The following LOC128462377 variants were observed in gnomAD, a reference collection of about 807,000 sequenced individuals.
At chr16:89,359,111 T>A in the LOC128462377 span, among the ~76,000 whole-genome samples, 1 of 152,166 alleles carries the variant, frequency 6.6e-6, no homozygotes, top group South Asian at 2.1e-4. Flanking sequence ...CCAAAATATA[T>A]AAAACATCAT....
At chr16:89,354,084 ATGCCTGGCACTCCC>A in the LOC128462377 span, among the ~76,000 whole-genome samples, 2 of 152,168 alleles carry the variant, frequency 1.3e-5, no homozygotes, top group African/African-American at 4.8e-5. Flanking sequence ...CAACAGTCCC[ATGCCTGGCACTCCC>A]TCAGGTGCCG....
At chr16:89,383,758 G>T in the LOC128462377 span, among the ~76,000 whole-genome samples, 1 of 152,164 alleles carries the variant, frequency 6.6e-6, no homozygotes, top group Admixed American at 6.5e-5. Flanking sequence ...CAAAGCAGCA[G>T]ACGGAAAGCC....
chr16:89,363,337 G>T, the LOC128462377 span, among the ~76,000 whole-genome samples: 3,152 of 152,244 alleles, frequency 0.021, 124 homozygotes, highest in African/African-American at 0.073. Flanking sequence ...CAGCCAAGGA[G>T]TAAGATTCAG....
At chr16:89,397,577 G>C in the LOC128462377 span, among the ~76,000 whole-genome samples, 1 of 152,228 alleles carries the variant, frequency 6.6e-6, no homozygotes, top group Non-Finnish European at 1.5e-5. Context: ...CTGGCTGCAG[G>C]ACAAAGGTGT....
the LOC128462377 span, among the ~76,000 whole-genome samples, chr16:89,399,400 C>A: frequency 1.3e-5 from 2 of 152,130 alleles, no homozygotes; most frequent in Non-Finnish European, 2.9e-5. Flanking sequence ...GTGAAAGCAG[C>A]CCGTCTCCAA....
chr16:89,413,716 G>A, the LOC128462377 span, among the ~76,000 whole-genome samples: 1 of 152,188 alleles, frequency 6.6e-6, no homozygotes, highest in African/African-American at 2.4e-5. Flanking sequence ...GCTGTCAGCA[G>A]CCGCCAGGAA....
the LOC128462377 span, among the ~76,000 whole-genome samples, chr16:89,362,103 A>G: frequency 1.3e-5 from 2 of 152,258 alleles, no homozygotes; most frequent in African/African-American, 4.8e-5. Flanking sequence ...AAGTTTCAAC[A>G]TGAGATACAA....
chr16:89,365,351 C>T, the LOC128462377 span, among the ~76,000 whole-genome samples: 2 of 152,186 alleles, frequency 1.3e-5, no homozygotes, highest in Admixed American at 6.5e-5. Context: ...CCTTAAAGAG[C>T]ATGAGGCCAA....
the LOC128462377 span, chr16:89,323,364 C>T: frequency 2.3e-6 from 3 of 1,286,742 alleles, no homozygotes; most frequent in Non-Finnish European, 3.0e-6. Context: ...TGGCCTCTCA[C>T]CTCTCACCAT....
the LOC128462377 span, among the ~76,000 whole-genome samples, chr16:89,394,334 A>G: frequency 3.3e-5 from 5 of 152,188 alleles, no homozygotes; most frequent in East Asian, 7.7e-4. Flanking sequence ...TCTCATCAGA[A>G]AAACAGCTCG....
the LOC128462377 span, among the ~76,000 whole-genome samples, chr16:89,340,302 G>A: frequency 1.3e-5 from 2 of 152,234 alleles, no homozygotes; most frequent in African/African-American, 4.8e-5. Context: ...TTTTGAGACG[G>A]AGTCTCGCTC....
the LOC128462377 span, among the ~76,000 whole-genome samples, chr16:89,415,829 C>CAAAAAAAAA: frequency 7.4e-3 from 293 of 39,674 alleles, 17 homozygotes; most frequent in Middle Eastern, 0.023. Flanking sequence ...GACTCTGTCT[C>CAAAAAAAAA]AAAAAAAAAA....
At chr16:89,379,226 A>G in the LOC128462377 span, among the ~76,000 whole-genome samples, 1 of 152,232 alleles carries the variant, frequency 6.6e-6, no homozygotes, top group Admixed American at 6.5e-5. Flanking sequence ...CACCGTCTGT[A>G]TGTGCGTCAC....
the LOC128462377 span, among the ~76,000 whole-genome samples, chr16:89,342,222 G>A: frequency 1.6e-4 from 25 of 152,382 alleles, no homozygotes; most frequent in East Asian, 4.4e-3. Flanking sequence ...GAGAGAAAAA[G>A]ATGAGGTCAA....
At chr16:89,364,067 AACAC>A in the LOC128462377 span, among the ~76,000 whole-genome samples, 3 of 150,536 alleles carry the variant, frequency 2.0e-5, no homozygotes, top group Admixed American at 1.3e-4. Flanking sequence ...GCTGATTTAA[AACAC>A]ACACACACAC....
chr16:89,369,389 C>T, the LOC128462377 span, among the ~76,000 whole-genome samples: 8 of 152,228 alleles, frequency 5.3e-5, no homozygotes, highest in Non-Finnish European at 1.2e-4. Context: ...CATGACCCTG[C>T]CACAGGGAGG....
At chr16:89,376,030 C>A in the LOC128462377 span, among the ~76,000 whole-genome samples, 2 of 152,204 alleles carry the variant, frequency 1.3e-5, no homozygotes, top group East Asian at 3.8e-4. Flanking sequence ...AAAAAAAGAA[C>A]AGGACATCCG....
the LOC128462377 span, among the ~76,000 whole-genome samples, chr16:89,380,889 G>A: frequency 1.3e-5 from 2 of 152,232 alleles, no homozygotes; most frequent in Non-Finnish European, 2.9e-5. Flanking sequence ...CAGCTCAGAG[G>A]TCGTGGGCAG....
chr16:89,391,872 T>C, the LOC128462377 span, among the ~76,000 whole-genome samples: 10 of 152,388 alleles, frequency 6.6e-5, no homozygotes, highest in East Asian at 1.9e-3. Flanking sequence ...AAGAAATCAA[T>C]GTACTTTATG....
Sources: gnomAD v4.1 joint callset for allele counts (sites outside exome capture counted in the v4.1 genomes callset) on GRCh38, gnomAD v4.1.1 for gene constraint, MANE v1.5 for transcripts.